IGSF10: variants seen among roughly 807,000 people sequenced by gnomAD.
IGSF10 encodes the protein calvaria mechanical force protein 608.
A neutral mutation model predicts 128.2 loss-of-function variants in IGSF10; 126 were observed. The ratio of observed to expected loss-of-function variants is 0.98; its 90% CI spans 0.85 to 1.14. The LOEUF (loss-of-function observed/expected upper bound fraction) is 1.14. Ranked by LOEUF, IGSF10 falls within the 50% of genes most tolerant of loss-of-function variation. The probability of loss-of-function intolerance (pLI) is 0.00; values close to 1 mark genes in which losing one functional copy is unlikely to be tolerated. For synonymous variants in IGSF10, 1,185 were observed against 1,146.2 expected, an observed-to-expected ratio of 1.03 and a Z score of -0.68; for missense variants, 3,295 against 3,149.8, an observed-to-expected ratio of 1.05 and a Z score of -1.10.
chr3:151,584,902 G>A, the IGSF10 span, among the ~76,000 whole-genome samples: 1 of 152,202 alleles, frequency 6.6e-6, no homozygotes, highest in African/African-American at 2.4e-5. Flanking sequence ...TGCTGACCAA[G>A]TAACGGGCAA....
Position 151,448,784 on chromosome 3 carries a change from C to T in IGSF10, c.1197G>A (p.Gln399=). The T allele has an allele frequency of 6.2e-7, 1 of 1,613,698 alleles. No homozygotes were observed. Residue 399 remains glutamine (Q), a synonymous_variant, in exon 6 of 8, where the codon CAG becomes CAA. Transcript: ENST00000282466. Reference sequence around the variant, plus strand: ...CCACCTGTTTATATTTGTAATAGAGCTGCGGTGTTTCACTAAGCAAGTGGC... The same window carrying T: ...CCACCTGTTTATATTTGTAATAGAGTTGCGGTGTTTCACTAAGCAAGTGGC... ...ERSHLLSETP[Q]LYYKYKQVAP...
At chr3:151,602,080 C>A in the IGSF10 span, among the ~76,000 whole-genome samples, 1 of 151,578 alleles carries the variant, frequency 6.6e-6, no homozygotes, top group East Asian at 1.9e-4. Flanking sequence ...AAAAGGAAAA[C>A]AAAGCTGGAA....
At chr3:151,560,821 C>T in the IGSF10 span, among the ~76,000 whole-genome samples, 2 of 152,116 alleles carry the variant, frequency 1.3e-5, no homozygotes, top group Admixed American at 1.3e-4. Context: ...GTTTAAGCTA[C>T]AAGATGTGTG....
chr3:151,512,474 G>A, the IGSF10 span, among the ~76,000 whole-genome samples: 13 of 152,056 alleles, frequency 8.5e-5, no homozygotes, highest in African/African-American at 3.1e-4. Flanking sequence ...TGTGTATCGG[G>A]AAGTTTATAG....
At chr3:151,434,198 A>G (rs1027640388), downstream of IGSF10, 3 of 152,256 alleles carry the variant, frequency 2.0e-5, no homozygotes, top group African/African-American at 4.8e-5. Context: ...AGACTTGTCT[A>G]TAATGAGCAG....
chr3:151,437,500 G>GACTT lies in IGSF10; in HGVS notation c.7057_7060dup (p.Ser2354Ter), dbSNP rs1440572820. On this transcript the variant is annotated stop_gained and frameshift_variant, in exon 8 of 8. Coordinates refer to ENST00000282466, the MANE Select transcript of IGSF10 (RefSeq NM_178822.5). LOFTEE classifies it low-confidence loss of function (END_TRUNC). ...ATCAACAGAGCAATTCAATGCTGTG[G>GACTT]ACTTTCCCAGCTGGGCAACTATTTT... 4 of 1,614,030 alleles carry GACTT rather than the reference G, an allele frequency of 2.5e-6. No individual in the cohort carries two copies. Among genetic ancestry groups the GACTT allele is most frequent in the African/African-American group, 2.7e-5 (2 of 74,918 alleles).
chr3:151,512,640 C>T, the IGSF10 span, among the ~76,000 whole-genome samples: 1 of 151,712 alleles, frequency 6.6e-6, no homozygotes, highest in Non-Finnish European at 1.5e-5. Flanking sequence ...AATAGAGACA[C>T]AAAAAACCCT....
the IGSF10 span, among the ~76,000 whole-genome samples, chr3:151,615,591 CA>C: frequency 6.6e-6 from 1 of 152,006 alleles, no homozygotes; most frequent in South Asian, 2.1e-4. Context: ...GAGAACCTAA[CA>C]GTGCGGAAGT....
At chr3:151,527,556 A>C in the IGSF10 span, among the ~76,000 whole-genome samples, 1 of 152,344 alleles carries the variant, frequency 6.6e-6, no homozygotes, top group East Asian at 1.9e-4. Context: ...AAAAGGAACA[A>C]ATGGATATTT....
At chr3:151,559,309 C>T in the IGSF10 span, among the ~76,000 whole-genome samples, 1 of 152,128 alleles carries the variant, frequency 6.6e-6, no homozygotes, top group African/African-American at 2.4e-5. Flanking sequence ...AGTACCACAC[C>T]TCAAGGTCTG....
At chr3:151,435,291 ACT>A (rs1369941857), downstream of IGSF10, 8 of 151,434 alleles carry the variant, frequency 5.3e-5, no homozygotes, top group African/African-American at 1.9e-4. Flanking sequence ...AAGCCCATAG[ACT>A]CTCTTGTTTA....
In IGSF10 at chr3:151,444,914, C is replaced by T. The variant is rs184928959; in HGVS notation, c.5062+5G>A. 524 of 1,564,042 alleles carry T rather than the reference C, an allele frequency of 3.4e-4. 2 individuals are homozygous for T. In the African/African-American group the frequency reaches 6.5e-3, roughly 19 times the overall value. On this transcript the variant is annotated splice_donor_5th_base_variant and intron_variant, in intron 6 of 7. Transcript: ENST00000282466. ...AACTAAGTGTAAAGAAAAAGTTTCACATACCTGATGGGACTCTGGTCCAAT... is the reference window on the plus strand; with the variant it reads ...AACTAAGTGTAAAGAAAAAGTTTCATATACCTGATGGGACTCTGGTCCAAT...
chr3:151,461,515 G>T (rs576716283), upstream of IGSF10: 26 of 700,062 alleles, frequency 3.7e-5, no homozygotes, highest in East Asian at 1.2e-3. Flanking sequence ...CATGTTATGG[G>T]CTATATACAG....
At chr3:151,540,040 G>A in the IGSF10 span, among the ~76,000 whole-genome samples, 1 of 152,002 alleles carries the variant, frequency 6.6e-6, no homozygotes, top group Non-Finnish European at 1.5e-5. Context: ...TTTTGTGGTG[G>A]GAAGTGAAAG....
At chr3:151,478,761 C>T in the IGSF10 span, among the ~76,000 whole-genome samples, 1 of 152,072 alleles carries the variant, frequency 6.6e-6, no homozygotes, top group African/African-American at 2.4e-5. Context: ...TAAAAGCACA[C>T]ACAAGGCCCA....
the IGSF10 span, among the ~76,000 whole-genome samples, chr3:151,496,136 C>A: frequency 6.6e-6 from 1 of 152,006 alleles, no homozygotes; most frequent in Non-Finnish European, 1.5e-5. Flanking sequence ...CTTGTATGTA[C>A]ACGTGGTTTC....
chr3:151,443,045 C>A lies in IGSF10; in HGVS notation c.5902G>T (p.Glu1968Ter). The change falls in exon 7 of 8, where the codon GAG becomes TAG. Residue 1968 changes from glutamate (E) to a stop codon, truncating the protein, a stop_gained. Coordinates refer to ENST00000282466, the MANE Select transcript of IGSF10 (RefSeq NM_178822.5). LOFTEE classifies it high-confidence loss of function. ...CTCCACATTATTTGGGGTTTGGGCTCCCCAGTGGCTGAGCAGTTCAGTAGT... is the reference window on the plus strand; with the variant it reads ...CTCCACATTATTTGGGGTTTGGGCTACCCAGTGGCTGAGCAGTTCAGTAGT... ...KLLLNCSATG[E>*]PKPQIMWRLP... is the part of the protein sequence containing the mutation. The A allele has an allele frequency of 6.2e-7, 1 of 1,614,208 alleles. No individual in the cohort carries two copies. The highest frequency in any genetic ancestry group is 8.5e-7 in the Non-Finnish European group (1 of 1,180,034).
the IGSF10 span, among the ~76,000 whole-genome samples, chr3:151,612,042 T>C: frequency 1.3e-5 from 2 of 152,194 alleles, no homozygotes; most frequent in Non-Finnish European, 2.9e-5. Flanking sequence ...AAATGGATAA[T>C]AGGACTATTT....
the IGSF10 span, among the ~76,000 whole-genome samples, chr3:151,535,715 T>G: frequency 6.6e-6 from 1 of 152,184 alleles, no homozygotes; most frequent in African/African-American, 2.4e-5. Flanking sequence ...AGTCAGGAAA[T>G]CTTTCAATTC....
Sources: allele counts gnomAD v4.1 joint callset (sites outside exome capture counted in the v4.1 genomes callset), GRCh38; gene constraint gnomAD v4.1.1; transcripts MANE v1.5; gene names NCBI Gene and HGNC (gene_info 2026-07-23, HGNC 2026-07-21).